The following NCKAP5 variants were observed in gnomAD, a reference collection of about 807,000 sequenced individuals.
NCKAP5 encodes the protein NCK associated protein 5, also known as nck-associated protein 5.
In NCKAP5, 92 loss-of-function variants were observed where a neutral mutation model predicts 167.0. The ratio of observed to expected loss-of-function variants is 0.55; its 90% CI spans 0.47 to 0.66. NCKAP5 has a LOEUF of 0.66. Ranked by LOEUF, NCKAP5 falls within the 30% of genes least tolerant of loss-of-function variation. The probability of loss-of-function intolerance (pLI) is 0.00; values close to 1 mark genes in which losing one functional copy is unlikely to be tolerated. For missense variants in NCKAP5, 2,378 were observed against 2,315.0 expected (o/e 1.03, Z -0.56); for synonymous variants, 891 against 877.4 (o/e 1.02, Z -0.27).
intron 4 of NCKAP5, among the ~76,000 whole-genome samples, chr2:133,253,458 C>T (rs2088454025): frequency 6.6e-6 from 1 of 152,200 alleles, no homozygotes; most frequent in Non-Finnish European, 1.5e-5. Flanking sequence ...CACTGGGTTT[C>T]ACAAAGGCAG....
At chr2:132,772,244 A>C (rs1682139147) in intron 16 of NCKAP5, among the ~76,000 whole-genome samples, 1 of 152,140 alleles carries the variant, frequency 6.6e-6, no homozygotes, top group South Asian at 2.1e-4. Context: ...CTCAGGACAT[A>C]TTCCTGTCAC....
intron 3 of NCKAP5, among the ~76,000 whole-genome samples, chr2:133,468,730 G>C (rs926636529): frequency 8.5e-5 from 13 of 152,140 alleles, no homozygotes; most frequent in African/African-American, 2.7e-4. Context: ...ATAGTCAGCT[G>C]TTCTTGTTGA....
chr2:132,783,532 A>T lies in NCKAP5; in HGVS notation c.3279T>A (p.Asn1093Lys). 6.2e-7 allele frequency: 1 copy of T among 1,613,816 alleles called. No homozygotes were observed. Among genetic ancestry groups the T allele is most frequent in the East Asian group, 2.2e-5 (1 of 44,848 alleles). Residue 1093 changes from asparagine to lysine, a missense_variant, in exon 14 of 20, where the codon AAT (asparagine) becomes AAA (lysine). Physicochemically the swap from Asn to Lys is moderately conservative, Grantham distance 94. Around this residue, in one of 3 missense-constraint regions of NCKAP5, gnomAD observed 1,325 missense variants for 1,274.5 expected, o/e 1.04. Transcript: ENST00000409261. ...GCTTGGGGGGTGTGGAGGCGCTATCATTCAATTGTCCTTTTCTCCCTGGAG... is the reference window on the plus strand; with the variant it reads ...GCTTGGGGGGTGTGGAGGCGCTATCTTTCAATTGTCCTTTTCTCCCTGGAG... ...SVSPGRKGQL[N>K]DSASTPPKPS...
chr2:132,811,614 G>A (rs940082511), intron 11 of NCKAP5, among the ~76,000 whole-genome samples: 2 of 151,780 alleles, frequency 1.3e-5, no homozygotes. Context: ...CCCCAACCCT[G>A]CCCCCTGCCC....
At chr2:133,027,052 G>T (rs1161484288) in intron 6 of NCKAP5, among the ~76,000 whole-genome samples, 1 of 152,192 alleles carries the variant, frequency 6.6e-6, no homozygotes, top group East Asian at 1.9e-4. Context: ...TTCCAAGGGA[G>T]TAAATGCATC....
intron 3 of NCKAP5, among the ~76,000 whole-genome samples, chr2:133,481,649 C>G (rs2151315731): frequency 6.6e-6 from 1 of 152,216 alleles, no homozygotes. Context: ...GTGTTCTCAT[C>G]ATTTAGCTCC....
intron 3 of NCKAP5, among the ~76,000 whole-genome samples, chr2:133,415,251 T>G (rs986918461): frequency 6.6e-5 from 10 of 152,274 alleles, no homozygotes; most frequent in African/African-American, 2.4e-4. Flanking sequence ...AGTCTGAGAT[T>G]TGGCTGTTGC....
At chr2:133,256,204 T>C (rs1272882022) in intron 4 of NCKAP5, among the ~76,000 whole-genome samples, 1 of 152,200 alleles carries the variant, frequency 6.6e-6, no homozygotes, top group East Asian at 1.9e-4. Context: ...TGTATGCTTA[T>C]ATTTATGTGA....
intron 11 of NCKAP5, among the ~76,000 whole-genome samples, chr2:132,833,202 C>A (rs1476369029): frequency 6.6e-6 from 1 of 152,072 alleles, no homozygotes; most frequent in Non-Finnish European, 1.5e-5. Flanking sequence ...TCCTTTACCC[C>A]ATTTTTAATG....
At chr2:133,477,951 T>C (rs1399326080) in intron 3 of NCKAP5, among the ~76,000 whole-genome samples, 1 of 152,182 alleles carries the variant, frequency 6.6e-6, no homozygotes, top group Non-Finnish European at 1.5e-5. Flanking sequence ...CAGACCATGG[T>C]TGATAGTAAT....
chr2:133,389,423 A>G (rs1006635207), intron 3 of NCKAP5, among the ~76,000 whole-genome samples: 2 of 152,186 alleles, frequency 1.3e-5, no homozygotes, highest in African/African-American at 4.8e-5. Context: ...TGCCAACTAC[A>G]TAGGTACCTG....
At chr2:132,981,877 A>G (rs951442893) in intron 7 of NCKAP5, among the ~76,000 whole-genome samples, 1 of 152,198 alleles carries the variant, frequency 6.6e-6, no homozygotes, top group Non-Finnish European at 1.5e-5. Flanking sequence ...TCTAAGTGAA[A>G]AATACTGGTA....
intron 3 of NCKAP5, among the ~76,000 whole-genome samples, chr2:133,326,458 CAA>C (rs34750625): frequency 2.1e-3 from 105 of 49,008 alleles, no homozygotes; most frequent in African/African-American, 6.2e-3. Context: ...TCAGTCTCAA[CAA>C]AAAAAAAAAA....
intron 5 of NCKAP5, among the ~76,000 whole-genome samples, chr2:133,191,008 T>C (rs1441832701): frequency 2.0e-5 from 3 of 152,094 alleles, no homozygotes; most frequent in Non-Finnish European, 4.4e-5. Flanking sequence ...GAGAAAATTT[T>C]TGCATTCTAC....
At chr2:133,539,218 G>C (rs1686028890) in intron 2 of NCKAP5, among the ~76,000 whole-genome samples, 1 of 152,006 alleles carries the variant, frequency 6.6e-6, no homozygotes, top group South Asian at 2.1e-4. Flanking sequence ...GGAATTACAG[G>C]CGTGAGCCTC....
rs1169033367 is a variant in NCKAP5, at chr2:133,115,765, A to ATG, written c.341+14211_341+14212dup. 2.5e-3 allele frequency among the ~76,000 whole-genome samples: 219 copies of ATG among 88,020 alleles called. 2 individuals carry two copies. The highest frequency in any genetic ancestry group is 7.4e-3 in the Admixed American group (51 of 6,898). 57.7% of individuals were successfully genotyped at this position (88,020 alleles called of 152,430 possible). ...TATCTGGAGGTAAATTGAAGTATAT[A>ATG]TGTGTGTGTGTATATATATATATAT... On this transcript the variant is annotated intron_variant, in intron 6 of 19. Coordinates refer to ENST00000409261, the MANE Select transcript of NCKAP5 (RefSeq NM_207363.3).
chr2:133,646,636 A>G, the NCKAP5 span, among the ~76,000 whole-genome samples: 1 of 152,184 alleles, frequency 6.6e-6, no homozygotes, highest in African/African-American at 2.4e-5. Flanking sequence ...AAGCAGCAAC[A>G]TGATAGCATA....
intron 7 of NCKAP5, among the ~76,000 whole-genome samples, chr2:132,981,373 A>T (rs2077137477): frequency 1.3e-5 from 2 of 152,280 alleles, no homozygotes; most frequent in South Asian, 4.1e-4. Context: ...GACTTAAGAC[A>T]TACCAGCCTC....
chr2:133,460,865 G>A (rs866739357), intron 3 of NCKAP5, among the ~76,000 whole-genome samples: 45 of 152,026 alleles, frequency 3.0e-4, no homozygotes, highest in African/African-American at 1.0e-3. Context: ...AATTTCATAG[G>A]TAAGCCAAAA....
Sources: gnomAD v4.1 joint callset for allele counts (sites outside exome capture counted in the v4.1 genomes callset) on GRCh38, gnomAD v4.1.1 for gene constraint, gnomAD v4.1.1 regional missense constraint, MANE v1.5 for transcripts, NCBI Gene and HGNC (gene_info 2026-07-23, HGNC 2026-07-21) for gene names.